Variants in ATP1A4 observed in about 807,000 individuals in gnomAD.
ATP1A4 encodes the protein sodium/potassium-transporting ATPase subunit alpha-4.
A neutral mutation model predicts 114.3 loss-of-function variants in ATP1A4; 90 were observed. The ratio of observed to expected loss-of-function variants is 0.79; its 90% CI spans 0.66 to 0.94. ATP1A4 has a LOEUF of 0.94. ATP1A4 is among the 40% of genes least tolerant of loss of function. The pLI is 0.00. For synonymous variants in ATP1A4, 511 were observed against 494.1 expected (o/e 1.03, Z -0.45); for missense variants, 1,222 against 1,313.6 (o/e 0.93, Z 1.08).
Position 160,153,189 on chromosome 1 carries a change from G to T in ATP1A4, c.172G>T (p.Glu58Ter), listed in dbSNP as rs1363589958. 1 of 1,613,962 alleles carries T rather than the reference G, an allele frequency of 6.2e-7. No homozygotes were observed. Among genetic ancestry groups the T allele is most frequent in the Admixed American group, 1.7e-5 (1 of 60,018 alleles). ...VMDDHKLTLE[E>*]LSTKYSVDLT... Reference sequence around the variant, plus strand: ...GGATGATCACAAATTAACCTTGGAAGAGCTGAGCACCAAGTACTCCGTGGA... The same window carrying T: ...GGATGATCACAAATTAACCTTGGAATAGCTGAGCACCAAGTACTCCGTGGA... Residue 58 changes from glutamate (E) to a stop codon, truncating the protein, a stop_gained, in exon 2 of 22, where the codon GAG becomes TAG. Coordinates refer to ENST00000368081, the MANE Select transcript of ATP1A4 (RefSeq NM_144699.4). LOFTEE classifies it high-confidence loss of function.
At chr1:160,163,644 G>T (rs1171194861) in intron 6 of ATP1A4, among the ~76,000 whole-genome samples, 2 of 152,048 alleles carry the variant, frequency 1.3e-5, no homozygotes, top group Non-Finnish European at 2.9e-5. Flanking sequence ...CCCTCCACAT[G>T]GTCATACACA....
At chr1:160,173,493 A>G (rs1283556465) in intron 12 of ATP1A4, 88 bp from the exon 13 acceptor site, 3 of 1,530,478 alleles carry the variant, frequency 2.0e-6, no homozygotes, top group Non-Finnish European at 1.8e-6. Context: ...TGAAAAAAGC[A>G]GTGGTCTGTC....
intron 4 of ATP1A4, among the ~76,000 whole-genome samples, chr1:160,158,118 A>C (rs1321747994): frequency 2.6e-5 from 4 of 152,212 alleles, no homozygotes; most frequent in Admixed American, 2.0e-4. Context: ...GCTACCTAAC[A>C]AACTACCCTA....
At chr1:160,172,594 A>G (rs184114848) in intron 12 of ATP1A4, among the ~76,000 whole-genome samples, 69 of 152,320 alleles carry the variant, frequency 4.5e-4, no homozygotes, top group African/African-American at 1.6e-3. Flanking sequence ...TCCCAGGTCA[A>G]ATTCTAAGAC....
intron 18 of ATP1A4, among the ~76,000 whole-genome samples, chr1:160,180,192 T>C (rs1292838004): frequency 1.1e-4 from 17 of 152,210 alleles, no homozygotes; most frequent in African/African-American, 2.4e-5. Context: ...AACTGACTGA[T>C]TGGTCTTATT....
intron 12 of ATP1A4, 44 bp downstream of exon 12, chr1:160,171,801 T>G (rs373838867): frequency 6.3e-7 from 1 of 1,594,716 alleles, no homozygotes; most frequent in Non-Finnish European, 8.5e-7. Context: ...TGTCACAAGT[T>G]GAAGCATCTA....
At chr1:160,169,229 T>G (rs1466322667) in intron 10 of ATP1A4, among the ~76,000 whole-genome samples, 1 of 152,238 alleles carries the variant, frequency 6.6e-6, no homozygotes, top group Non-Finnish European at 1.5e-5. Context: ...CATCTCAGAC[T>G]GCTGGCGGTT....
Position 160,171,907 on chromosome 1 carries a change from T to A in ATP1A4, c.1854+150T>A, listed in dbSNP as rs1224319484. ...CTTATGATTTTTAATTAATAGTAAGTTTCCTCTCCAGTTAGAATTCTACTT... is the reference window on the plus strand; with the variant it reads ...CTTATGATTTTTAATTAATAGTAAGATTCCTCTCCAGTTAGAATTCTACTT... On this transcript the variant is annotated intron_variant, in intron 12 of 21. Coordinates refer to ENST00000368081, the MANE Select transcript of ATP1A4 (RefSeq NM_144699.4). 4 of 802,014 alleles carry A rather than the reference T, an allele frequency of 5.0e-6. No homozygotes were observed. The African/African-American group carries it at 7.0e-5, about 14-fold the overall frequency. The allele number at this position is 802,014 out of a possible 1,614,324, so 49.7% of individuals were successfully genotyped here.
At chr1:160,155,929 C>G (rs1401387799) in intron 3 of ATP1A4, 116 bp from the exon 4 acceptor site, 1 of 664,448 alleles carries the variant, frequency 1.5e-6, no homozygotes, top group Non-Finnish European at 2.8e-6. Context: ...GCTCTCAACT[C>G]AGTCTTACGG....
At chr1:160,164,558 AT>A in intron 7 of ATP1A4, 134 bp downstream of exon 7, 1 of 952,666 alleles carries the variant, frequency 1.0e-6, no homozygotes, top group Non-Finnish European at 1.6e-6. Flanking sequence ...ATCAGGAATA[AT>A]TTAGCTCTCA....
chr1:160,185,108 CTT>C (rs34234271), intron 20 of ATP1A4, among the ~76,000 whole-genome samples: 357 of 141,972 alleles, frequency 2.5e-3, no homozygotes, highest in East Asian at 0.011. Context: ...TCATCATTGG[CTT>C]TTTTTTTTTT....
Position 160,171,339 on chromosome 1 carries a change from CCTTT to C in ATP1A4, c.1584_1587del (p.Leu529Ter). 1.2e-6 allele frequency: 2 copies of C among 1,614,078 alleles called. No homozygotes were observed. Among genetic ancestry groups the C allele is most frequent in the Non-Finnish European group, 1.7e-6 (2 of 1,180,004 alleles). ...GAGAGGATCTTGGAGTTTTGTTCTACCTTTCTTCTGAATGGGCAGGAGTACTCAA... is the reference window on the plus strand; with the variant it reads ...GAGAGGATCTTGGAGTTTTGTTCTACCTTCTGAATGGGCAGGAGTACTCAA... On this transcript the variant is annotated frameshift_variant, in exon 11 of 22. Transcript: ENST00000368081. LOFTEE classifies it high-confidence loss of function.
rs1402233932 is a variant in ATP1A4, at chr1:160,186,130, A to C, written c.2970-146A>C. The C allele has an allele frequency of 6.5e-6, 4 of 612,240 alleles. No individual in the cohort carries two copies. The East Asian group carries it at 1.6e-4, about 24-fold the overall frequency. The allele number at this position is 612,240 out of a possible 1,614,324, so 37.9% of individuals were successfully genotyped here. A position where few individuals can be genotyped will look rare whatever the true frequency, so the allele number is the denominator to read the frequency against. On this transcript the variant is annotated intron_variant, in intron 20 of 21. Coordinates refer to ENST00000368081, the MANE Select transcript of ATP1A4 (RefSeq NM_144699.4). ...AAAAGGGATCAACCAGATCTTATTC[A>C]ACTGCACTGTCTCCAGCACCCAGCA...
intron 6 of ATP1A4, 102 bp from the exon 7 acceptor site, chr1:160,164,054 G>C: frequency 1.4e-6 from 2 of 1,438,454 alleles, no homozygotes; most frequent in Non-Finnish European, 1.9e-6. Flanking sequence ...CTATCTTTAA[G>C]GGTTTTTAGA....
At chr1:160,156,404 A>C (rs1464695253) in intron 4 of ATP1A4, among the ~76,000 whole-genome samples, 1 of 149,378 alleles carries the variant, frequency 6.7e-6, no homozygotes, top group Non-Finnish European at 1.5e-5. Context: ...AAGAGGAAAC[A>C]CCATACAAAC....
intron 5 of ATP1A4, 54 bp downstream of exon 5, chr1:160,159,190 G>A (rs1652781878): frequency 6.3e-7 from 1 of 1,586,654 alleles, no homozygotes; most frequent in South Asian, 1.1e-5. Flanking sequence ...TCATGGCAGG[G>A]TAGACACCTG....
rs1190444242 is a variant in ATP1A4 at position 160,159,648 on chromosome 1, T to C, written c.778+122T>C. 2.8e-5 allele frequency: 22 copies of C among 799,782 alleles called. 1 individual carries two copies. Among genetic ancestry groups the C allele is most frequent in the African/African-American group, 1.6e-4 (9 of 57,738 alleles). The allele number at this position is 799,782 out of a possible 1,614,324, so 49.5% of individuals were successfully genotyped here. A position where few individuals can be genotyped will look rare whatever the true frequency, so the allele number is the denominator to read the frequency against. ...GCCAGTAAAAAGTCGAGCTTCTCCATCACGAGCTGTATGACCTCTGGTGAA... is the reference window on the plus strand; with the variant it reads ...GCCAGTAAAAAGTCGAGCTTCTCCACCACGAGCTGTATGACCTCTGGTGAA... On this transcript the variant is annotated intron_variant, in intron 6 of 21. Transcript: ENST00000368081.
chr1:160,159,378 A>G, intron 5 of ATP1A4, 31 bp from the exon 6 acceptor site: 2 of 1,564,308 alleles, frequency 1.3e-6, no homozygotes, highest in Non-Finnish European at 1.7e-6. Flanking sequence ...TCCTATGCTC[A>G]CCTTACAACG....
rs567350782 is a variant in ATP1A4 at position 160,186,585 on chromosome 1, C to T, written c.3062-86C>T. On this transcript the variant is annotated intron_variant, in intron 21 of 21. Transcript: ENST00000368081. ...GTGTTCCAGACCTCCCACCTCCAACCTTGTCCCTGCTTTCCCTTCTGCCTG... is the reference window on the plus strand; with the variant it reads ...GTGTTCCAGACCTCCCACCTCCAACTTTGTCCCTGCTTTCCCTTCTGCCTG... 8 of 1,495,526 alleles carry T rather than the reference C, an allele frequency of 5.3e-6. No individual in the cohort carries two copies. In the Admixed American group the frequency reaches 1.1e-4, roughly 21 times the overall value. 92.6% of individuals were successfully genotyped at this position (1,495,526 alleles called of 1,614,324 possible). A position where few individuals can be genotyped will look rare whatever the true frequency, so the allele number is the denominator to read the frequency against.
Sources: gnomAD v4.1 joint callset for allele counts (sites outside exome capture counted in the v4.1 genomes callset) on GRCh38, gnomAD v4.1.1 for gene constraint, MANE v1.5 for transcripts, NCBI Gene and HGNC (gene_info 2026-07-23, HGNC 2026-07-21) for gene names.